EFHD1: variants seen among roughly 807,000 people sequenced by gnomAD.
EFHD1 encodes EF-hand domain-containing protein D1.
A neutral mutation model predicts 17.2 loss-of-function variants in EFHD1; 10 were observed. The observed-to-expected ratio is 0.58, with a 90% CI of 0.36 to 0.99. The LOEUF (loss-of-function observed/expected upper bound fraction) is 0.99, where lower values mean the gene tolerates loss of function less well. Among genes scored for constraint, EFHD1 ranks in the 50% least tolerant of loss-of-function variants. The pLI is 0.01. For synonymous variants in EFHD1, 153 were observed against 142.0 expected, an observed-to-expected ratio of 1.08 and a Z score of -0.55; for missense variants, 310 against 327.5, an observed-to-expected ratio of 0.95 and a Z score of 0.41.
At chr2:232,624,707 G>A (rs1222450883) in intron 1 of EFHD1, among the ~76,000 whole-genome samples, 1 of 152,238 alleles carries the variant, frequency 6.6e-6, no homozygotes, top group Non-Finnish European at 1.5e-5. Flanking sequence ...TGCCCTTGAG[G>A]AGACATCCCT....
chr2:232,628,300 A>G (rs1694144517), intron 1 of EFHD1, among the ~76,000 whole-genome samples: 1 of 152,254 alleles, frequency 6.6e-6, no homozygotes, highest in Middle Eastern at 3.4e-3. Context: ...ACCTCAGATG[A>G]TCTACCTACC....
rs759967719 is a variant in EFHD1, at chr2:232,606,213, A to G, written c.14+40A>G. The G allele has an allele frequency of 1.0e-5, 16 of 1,548,180 alleles. No individual in the cohort carries two copies. The South Asian group carries it at 1.9e-4, about 18-fold the overall frequency. The stretch of plus-strand genomic sequence containing the variant: ...AATCCCCTTTCACCCTTGAGAGTCT[A>G]CGATTTTCGACGTTTTCCAGGCGAT... On this transcript the variant is annotated intron_variant, in intron 1 of 3. Transcript: ENST00000409613.
In EFHD1 at chr2:232,633,632, G is replaced by A; in HGVS notation, c.-73G>A. ...GTGTTGTAGAGCCTCGAGCCTGCGA[G>A]GAGCGCGCCGCCCGCCAGCTCCCTG... is the stretch of plus-strand genomic sequence containing the variant. On this transcript the variant is annotated 5_prime_UTR_variant, in exon 1 of 4. Transcript: ENST00000264059. 1 of 1,356,650 alleles carries A rather than the reference G, an allele frequency of 7.4e-7. No individual in the cohort carries two copies. The highest frequency in any genetic ancestry group is 9.4e-7 in the Non-Finnish European group (1 of 1,063,964). The allele number at this position is 1,356,650 out of a possible 1,614,324, so 84.0% of individuals were successfully genotyped here.
intron 1 of EFHD1, among the ~76,000 whole-genome samples, chr2:232,623,673 C>CAAAAAAAAAA (rs756932393): frequency 1.2e-5 from 1 of 86,640 alleles, no homozygotes; most frequent in African/African-American, 4.5e-5. Context: ...AGTCTCTGTC[C>CAAAAAAAAAA]AAAAAAAAAA....
At chr2:232,675,514 C>T (rs1347068087) in intron 3 of EFHD1, among the ~76,000 whole-genome samples, 1 of 152,190 alleles carries the variant, frequency 6.6e-6, no homozygotes, top group Non-Finnish European at 1.5e-5. Context: ...CCCAGGCCCA[C>T]CCACATCCAC....
chr2:232,650,592 TGA>T (rs1377760006), intron 1 of EFHD1, among the ~76,000 whole-genome samples: 8 of 25,068 alleles, frequency 3.2e-4, no homozygotes, highest in African/African-American at 2.8e-3. Flanking sequence ...TTTTTGAGAC[TGA>T]GTTTCACTCT....
intron 1 of EFHD1, among the ~76,000 whole-genome samples, chr2:232,617,849 T>C (rs1693956145): frequency 1.3e-5 from 2 of 149,650 alleles, no homozygotes; most frequent in South Asian, 4.3e-4. Flanking sequence ...CTCCGGAGGC[T>C]GAGGCAGGAG....
At chr2:232,635,824 G>A (rs1368026300) in intron 1 of EFHD1, among the ~76,000 whole-genome samples, 11 of 146,000 alleles carry the variant, frequency 7.5e-5, no homozygotes, top group African/African-American at 2.7e-4. Flanking sequence ...GTCTCAAGGG[G>A]AAAAAAAAAA....
chr2:232,623,673 C>CAA (rs756932393), intron 1 of EFHD1, among the ~76,000 whole-genome samples: 48 of 86,486 alleles, frequency 5.6e-4, no homozygotes, highest in African/African-American at 1.4e-3. Flanking sequence ...AGTCTCTGTC[C>CAA]AAAAAAAAAA....
At position 232,638,811 on chromosome 2, in the gene EFHD1, C is replaced by A. The variant is rs72999778; in HGVS notation, c.302+4805C>A. 3.5e-3 allele frequency among the ~76,000 whole-genome samples: 533 copies of A among 152,322 alleles called. 1 individual carries two copies. The highest frequency in any genetic ancestry group is 4.1e-3 in the Non-Finnish European group (277 of 68,024). On this transcript the variant is annotated intron_variant, in intron 1 of 3. Transcript: ENST00000264059. ...GACTTGTCCTGGCTATAGCTTCAGT[C>A]AACAGTGATCACCTTAGATGTGAAA...
At chr2:232,645,717 G>A (rs963728902) in intron 1 of EFHD1, among the ~76,000 whole-genome samples, 1 of 152,130 alleles carries the variant, frequency 6.6e-6, no homozygotes, top group Non-Finnish European at 1.5e-5. Flanking sequence ...TGTGCTTAGC[G>A]ATTTCCACAT....
chr2:232,664,753 A>C (rs1369198954), intron 2 of EFHD1, among the ~76,000 whole-genome samples: 2 of 150,356 alleles, frequency 1.3e-5, no homozygotes, highest in African/African-American at 4.9e-5. Context: ...AGCTGGGACT[A>C]CAGGCGCCTG....
chr2:232,675,727 G>T (rs933014141), intron 3 of EFHD1, among the ~76,000 whole-genome samples: 4 of 152,122 alleles, frequency 2.6e-5, no homozygotes, highest in African/African-American at 9.7e-5. Context: ...GAGAAGAATT[G>T]TGGGTCCAAT....
rs552711771 is a variant in EFHD1, at chr2:232,658,710, C to T, written c.303-4092C>T. Among the ~76,000 whole-genome samples the T allele has an allele frequency of 2.0e-4, 30 of 151,858 alleles. No homozygotes were observed. The South Asian group carries it at 2.3e-3, about 12-fold the overall frequency. ...AATGTCCACAAGAGGCAAATCCATA[C>T]AGACAGAAAGGCTAGTAGTTGCTGG... On this transcript the variant is annotated intron_variant, in intron 1 of 3. Transcript: ENST00000264059.
At chr2:232,658,760 T>G (rs1694807486) in intron 1 of EFHD1, among the ~76,000 whole-genome samples, 3 of 149,072 alleles carry the variant, frequency 2.0e-5, no homozygotes, top group African/African-American at 7.5e-5. Context: ...AAGGGGAGAG[T>G]GGGGAATGAC....
intron 1 of EFHD1, among the ~76,000 whole-genome samples, chr2:232,636,954 G>T (rs73995831): frequency 0.08 from 12,114 of 152,150 alleles, 1,148 homozygotes; most frequent in East Asian, 0.22. Context: ...TGGCCTCTTG[G>T]TGAGTTCCGG....
intron 2 of EFHD1, among the ~76,000 whole-genome samples, 175 bp downstream of exon 2, chr2:232,663,124 C>T (rs1694906372): frequency 6.6e-6 from 1 of 151,730 alleles, no homozygotes; most frequent in South Asian, 2.1e-4. Flanking sequence ...CAGTGCTGGC[C>T]TGGAAAAAGC....
chr2:232,675,108 G>A lies in EFHD1; in HGVS notation c.585+2665G>A, dbSNP rs563730633. Among the ~76,000 whole-genome samples, 15 of 151,654 alleles carry A rather than the reference G, an allele frequency of 9.9e-5. No individual in the cohort carries two copies. In the South Asian group the frequency reaches 2.9e-3, roughly 30 times the overall value. On this transcript the variant is annotated intron_variant, in intron 3 of 3. Coordinates refer to ENST00000264059, the MANE Select transcript of EFHD1 (RefSeq NM_025202.4). ...GGAGAATTGCTTGAACCCGGGAGGC[G>A]GAGGCTGCAGTGAGCCGAGATCGTG...
intron 1 of EFHD1, among the ~76,000 whole-genome samples, chr2:232,627,066 T>TA (rs1694119963): frequency 1.4e-5 from 1 of 72,944 alleles, no homozygotes; most frequent in African/African-American, 4.8e-5. Flanking sequence ...ATATATATAT[T>TA]TTTTTTTTTT....
Sources: allele counts gnomAD v4.1 joint callset (sites outside exome capture counted in the v4.1 genomes callset), GRCh38; gene constraint gnomAD v4.1.1; transcripts MANE v1.5; gene names NCBI Gene and HGNC (gene_info 2026-07-23, HGNC 2026-07-21).